The following SLC7A14 variants were observed in gnomAD, a reference collection of about 807,000 sequenced individuals.
SLC7A14 encodes solute carrier family 7 member 14, also known as gamma-aminobutyric acid transporter SLC7A14.
A neutral mutation model predicts 60.2 loss-of-function variants in SLC7A14; 37 were observed. The observed-to-expected ratio is 0.61, with a 90% CI of 0.47 to 0.81. The LOEUF (loss-of-function observed/expected upper bound fraction) is 0.81. Among genes scored for constraint, SLC7A14 ranks in the 30% least tolerant of loss-of-function variants. The pLI is 0.00. For missense variants in SLC7A14, 886 were observed against 982.7 expected (o/e 0.90, Z 1.32); for synonymous variants, 399 against 395.8 (o/e 1.01, Z -0.10).
chr3:170,523,440 A>T (rs1165223700), intron 2 of SLC7A14, among the ~76,000 whole-genome samples: 1 of 152,092 alleles, frequency 6.6e-6, no homozygotes, highest in African/African-American at 2.4e-5. Flanking sequence ...ACCACTTTTC[A>T]TGAGTCATCG....
At chr3:170,540,571 A>G (rs371206295) in intron 1 of SLC7A14, among the ~76,000 whole-genome samples, 1 of 151,884 alleles carries the variant, frequency 6.6e-6, no homozygotes, top group African/African-American at 2.4e-5. Flanking sequence ...GTTCATTTCT[A>G]GCTTCTGGTG....
rs762904653 is a variant in SLC7A14, at chr3:170,480,603, G to A, written c.1679C>T (p.Ala560Val). The A allele has an allele frequency of 9.2e-5, 148 of 1,614,094 alleles. No homozygotes were observed. The highest frequency in any genetic ancestry group is 1.2e-4 in the Non-Finnish European group (140 of 1,180,048). ...GCAGATGGTCACCGTGTGCCCCGTCGCTGCTGTGGGCCGGTCCATTTTGCC... is the reference window on the plus strand; with the variant it reads ...GCAGATGGTCACCGTGTGCCCCGTCACTGCTGTGGGCCGGTCCATTTTGCC... ...LPGKMDRPTA[A>V]TGHTVTICVL... The change falls in exon 7 of 8, where the codon GCG becomes GTG. Residue 560 changes from alanine (A) to valine (V), a missense_variant. Ala to Val is a moderately conservative substitution (Grantham distance 64, BLOSUM62 0). Coordinates refer to ENST00000231706, the MANE Select transcript of SLC7A14 (RefSeq NM_020949.3).
At chr3:170,502,615 TTTG>T (rs1460602427) in intron 2 of SLC7A14, among the ~76,000 whole-genome samples, 20 of 152,144 alleles carry the variant, frequency 1.3e-4, no homozygotes, top group African/African-American at 4.8e-4. Flanking sequence ...CAGTCCTAAT[TTTG>T]TTAAGGGCCA....
At chr3:170,515,630 G>A (rs185021927) in intron 2 of SLC7A14, among the ~76,000 whole-genome samples, 56 of 119,142 alleles carry the variant, frequency 4.7e-4, no homozygotes, top group Middle Eastern at 4.0e-3. Flanking sequence ...GTGTTGGGGT[G>A]GGGGGGGAGT....
At chr3:170,565,002 T>G (rs887130889) in intron 1 of SLC7A14, among the ~76,000 whole-genome samples, 3 of 152,214 alleles carry the variant, frequency 2.0e-5, no homozygotes, top group African/African-American at 7.2e-5. Context: ...ATCTGGTTCT[T>G]GCTACAGAAG....
At chr3:170,571,705 A>G (rs1016495957) in intron 1 of SLC7A14, among the ~76,000 whole-genome samples, 1 of 152,156 alleles carries the variant, frequency 6.6e-6, no homozygotes, top group African/African-American at 2.4e-5. Context: ...GAATGAATTA[A>G]TGAATAACTA....
At chr3:170,541,460 T>C (rs1429035456) in intron 1 of SLC7A14, among the ~76,000 whole-genome samples, 1 of 151,930 alleles carries the variant, frequency 6.6e-6, no homozygotes, top group Non-Finnish European at 1.5e-5. Flanking sequence ...TAAGGTGGCA[T>C]GGTGGCACAC....
rs200763434 is a variant in SLC7A14, at chr3:170,467,283, G to A, written c.2088C>T (p.Tyr696=). The change falls in exon 8 of 8, where the codon TAC becomes TAT. Residue 696 remains tyrosine, a synonymous_variant. Coordinates refer to ENST00000231706, the MANE Select transcript of SLC7A14 (RefSeq NM_020949.3). ...EALHQSTYQR[Y]DVDDPFSVEE... ...CCACTGAGAAGGGGTCATCCACGTC[G>A]TAGCGTTGGTACGTGCTTTGGTGCA... The A allele has an allele frequency of 1.9e-5, 30 of 1,614,244 alleles. No homozygotes were observed. Among genetic ancestry groups the A allele is most frequent in the Non-Finnish European group, 2.4e-5 (28 of 1,180,042 alleles).
intron 2 of SLC7A14, among the ~76,000 whole-genome samples, chr3:170,520,507 C>T (rs915020484): frequency 6.6e-6 from 1 of 152,184 alleles, no homozygotes; most frequent in African/African-American, 2.4e-5. Context: ...TTGGTACTGT[C>T]TCAGGACTGA....
chr3:170,535,741 A>G lies in SLC7A14; in HGVS notation c.-152-8653T>C, dbSNP rs915754404. On this transcript the variant is annotated intron_variant, in intron 1 of 7. Transcript: ENST00000231706. This position sits in a 1 kb window ranked among gnomAD's most constrained non-coding sequence, Gnocchi z 4.3. Reference sequence around the variant, plus strand: ...GCTCCAGCCAGGTGGCCCTCTCCACATAGCCCTAACTCTCTCTGGTTCTGA... The same window carrying G: ...GCTCCAGCCAGGTGGCCCTCTCCACGTAGCCCTAACTCTCTCTGGTTCTGA... Among the ~76,000 whole-genome samples, 4 of 152,238 alleles carry G rather than the reference A, an allele frequency of 2.6e-5. No individual in the cohort carries two copies. The highest frequency in any genetic ancestry group is 4.8e-5 in the African/African-American group (2 of 41,464).
rs1714419653 is a variant in SLC7A14, at chr3:170,553,944, A to G, written c.-152-26856T>C. Among the ~76,000 whole-genome samples, 3 of 151,950 alleles carry G rather than the reference A, an allele frequency of 2.0e-5. 1 individual carries two copies. Among genetic ancestry groups the G allele is most frequent in the South Asian group, 4.1e-4 (2 of 4,828 alleles). ...ATTAATTGGAAAAGTCTTGAGAAAC[A>G]TGGCTAAATAGAAAGAAGCAGTACC... On this transcript the variant is annotated intron_variant, in intron 1 of 7. Coordinates refer to ENST00000231706, the MANE Select transcript of SLC7A14 (RefSeq NM_020949.3).
At chr3:170,474,829 A>C (rs1711561897) in intron 7 of SLC7A14, among the ~76,000 whole-genome samples, 2 of 152,196 alleles carry the variant, frequency 1.3e-5, no homozygotes, top group African/African-American at 4.8e-5. Context: ...TACAGACAAG[A>C]ATTTGATTTC....
intron 2 of SLC7A14, among the ~76,000 whole-genome samples, chr3:170,513,759 G>A (rs1577528031): frequency 1.3e-5 from 2 of 152,310 alleles, no homozygotes; most frequent in East Asian, 1.9e-4. Flanking sequence ...CTTGCTTGCT[G>A]TTTGCTCTTC....
At chr3:170,501,410 A>G (rs551283203) in intron 2 of SLC7A14, 65 bp from the exon 3 acceptor site, 13 of 1,351,554 alleles carry the variant, frequency 9.6e-6, no homozygotes, top group East Asian at 9.2e-5. Flanking sequence ...TGTGGCCAAC[A>G]ATCTTGGGTG....
chr3:170,547,100 T>A (rs1421477964), intron 1 of SLC7A14, among the ~76,000 whole-genome samples: 2 of 152,012 alleles, frequency 1.3e-5, no homozygotes, highest in Non-Finnish European at 2.9e-5. Flanking sequence ...GATGTAAGAT[T>A]GTCAAGACAC....
At chr3:170,490,668 A>C (rs1219054639) in intron 4 of SLC7A14, among the ~76,000 whole-genome samples, 12 of 152,224 alleles carry the variant, frequency 7.9e-5, no homozygotes. Flanking sequence ...CTAGGGCCAC[A>C]CACATGGGAG....
intron 1 of SLC7A14, among the ~76,000 whole-genome samples, chr3:170,573,443 C>T (rs765731799): frequency 4.6e-5 from 7 of 152,178 alleles, no homozygotes; most frequent in East Asian, 1.9e-4. Flanking sequence ...TATACAAGTA[C>T]GTGAATAATG....
intron 1 of SLC7A14, among the ~76,000 whole-genome samples, chr3:170,583,903 G>A (rs1441398420): frequency 6.6e-6 from 1 of 152,200 alleles, no homozygotes; most frequent in Non-Finnish European, 1.5e-5. Flanking sequence ...AGGAGAGTGT[G>A]TGAAAGAGAA....
At chr3:170,564,296 T>C (rs534178646) in intron 1 of SLC7A14, among the ~76,000 whole-genome samples, 2 of 152,286 alleles carry the variant, frequency 1.3e-5, no homozygotes, top group African/African-American at 4.8e-5. Context: ...TTGTTAGAGA[T>C]CTGTTGTGCT....
Sources: gnomAD v4.1 joint callset for allele counts (sites outside exome capture counted in the v4.1 genomes callset) on GRCh38, gnomAD v4.1.1 for gene constraint, Gnocchi (gnomAD v3.1) non-coding constraint, MANE v1.5 for transcripts, NCBI Gene and HGNC (gene_info 2026-07-23, HGNC 2026-07-21) for gene names.